The following FHIT variants were observed in gnomAD, a reference collection of about 807,000 sequenced individuals.
FHIT encodes the protein bis(5'-adenosyl)-triphosphatase.
FHIT carries 19 observed loss-of-function variants against 17.9 expected under a neutral mutation model. The ratio of observed to expected loss-of-function variants is 1.06; its 90% confidence interval spans 0.74 to 1.56. The LOEUF (loss-of-function observed/expected upper bound fraction) is 1.56. Ranked by LOEUF, FHIT falls within the 40% of genes most tolerant of loss-of-function variation. The probability of loss-of-function intolerance (pLI) is 0.00; values close to 1 mark genes in which losing one functional copy is unlikely to be tolerated. For synonymous variants in FHIT, 81 were observed against 69.7 expected (o/e 1.16, Z -0.81); for missense variants, 248 against 189.2 (o/e 1.31, Z -1.82).
At chr3:60,855,341 C>T (rs1703337724) in intron 3 of FHIT, among the ~76,000 whole-genome samples, 1 of 152,046 alleles carries the variant, frequency 6.6e-6, no homozygotes, top group African/African-American at 2.4e-5. Flanking sequence ...AGATTTTTCA[C>T]CTTTGGTAAA....
chr3:59,788,879 A>ATTTTTTTTTTTTTTTTTT lies in FHIT; in HGVS notation c.349-36559_349-36558insAAAAAAAAAAAAAAAAAA, dbSNP rs896400961. 3.9e-3 allele frequency among the ~76,000 whole-genome samples: 13 copies of ATTTTTTTTTTTTTTTTTT among 3,310 alleles called. 1 individual carries two copies. Among genetic ancestry groups the ATTTTTTTTTTTTTTTTTT allele is most frequent in the East Asian group, 0.01 (1 of 98 alleles). 2.2% of individuals were successfully genotyped at this position (3,310 alleles called of 152,430 possible). A position where few individuals can be genotyped will look rare whatever the true frequency, so the allele number is the denominator to read the frequency against. On this transcript the variant is annotated intron_variant, in intron 8 of 9. Coordinates refer to ENST00000492590, the MANE Select transcript of FHIT (RefSeq NM_002012.4). ...GAACCACGTTCTTTGCTGAGTTCAT[A>ATTTTTTTTTTTTTTTTTT]TGTTTTTTTTTTTTACCCCATCTCC... is the stretch of plus-strand genomic sequence containing the variant.
At chr3:59,855,630 T>C (rs1331145346) in intron 8 of FHIT, among the ~76,000 whole-genome samples, 2 of 151,860 alleles carry the variant, frequency 1.3e-5, no homozygotes, top group Admixed American at 1.3e-4. Context: ...ATCTTAAGTA[T>C]ACAAAAACTG....
At chr3:59,800,667 A>AC (rs1699956700) in intron 8 of FHIT, among the ~76,000 whole-genome samples, 1 of 152,214 alleles carries the variant, frequency 6.6e-6, no homozygotes, top group South Asian at 2.1e-4. Flanking sequence ...TTCTTGGGCC[A>AC]CTGGTGAAGA....
chr3:59,958,707 G>A (rs774665041), intron 7 of FHIT, among the ~76,000 whole-genome samples: 10 of 152,274 alleles, frequency 6.6e-5, no homozygotes, highest in South Asian at 2.1e-4. Context: ...GTAGATGGCC[G>A]CTATGTAATT....
At chr3:60,276,606 T>C (rs1446069063) in intron 5 of FHIT, among the ~76,000 whole-genome samples, 1 of 152,118 alleles carries the variant, frequency 6.6e-6, no homozygotes, top group African/African-American at 2.4e-5. Context: ...GCAAAAGGCA[T>C]ATATATTAGT....
At chr3:60,003,470 T>G (rs1699805353) in intron 7 of FHIT, among the ~76,000 whole-genome samples, 1 of 152,186 alleles carries the variant, frequency 6.6e-6, no homozygotes, top group Non-Finnish European at 1.5e-5. Context: ...AAGGATGTGG[T>G]GTAGTCTAAA....
At chr3:61,051,860 T>C (rs868224705) in intron 2 of FHIT, among the ~76,000 whole-genome samples, 1 of 152,188 alleles carries the variant, frequency 6.6e-6, no homozygotes, top group South Asian at 2.1e-4. Context: ...AAAGTTACAC[T>C]GCATCTAATG....
chr3:60,580,817 C>A (rs904181060), intron 4 of FHIT, among the ~76,000 whole-genome samples: 29 of 152,046 alleles, frequency 1.9e-4, no homozygotes, highest in African/African-American at 6.5e-4. Context: ...AGGCAGGACG[C>A]TGGTGGGATG....
intron 5 of FHIT, among the ~76,000 whole-genome samples, chr3:60,408,354 C>T (rs866867477): frequency 1.3e-5 from 2 of 152,216 alleles, no homozygotes; most frequent in Middle Eastern, 3.4e-3. Flanking sequence ...CCTGCAACTC[C>T]TAATCCACAT....
intron 5 of FHIT, 146 bp from the exon 6 acceptor site, chr3:60,014,298 C>G (rs1032316580): frequency 1.4e-6 from 1 of 717,506 alleles, no homozygotes; most frequent in African/African-American, 1.8e-5. Context: ...TTACCATCCA[C>G]TGAACTCCAG....
intron 5 of FHIT, among the ~76,000 whole-genome samples, chr3:60,476,199 G>A (rs1253369576): frequency 6.6e-6 from 1 of 152,186 alleles, no homozygotes; most frequent in Non-Finnish European, 1.5e-5. Context: ...GTGTCCCTGA[G>A]TGTAAAATAT....
Position 60,280,402 on chromosome 3 carries a change from G to A in FHIT, c.103+256458C>T, listed in dbSNP as rs1314730198. 2.0e-5 allele frequency among the ~76,000 whole-genome samples: 3 copies of A among 152,284 alleles called. No individual in the cohort carries two copies. The South Asian group carries it at 6.2e-4, about 32-fold the overall frequency. ...TACCTTCTTTGAAAGAAAGGACTTTGTAGCTGTAACTAAATTAAGAATTTT... is the reference window on the plus strand; with the variant it reads ...TACCTTCTTTGAAAGAAAGGACTTTATAGCTGTAACTAAATTAAGAATTTT... On this transcript the variant is annotated intron_variant, in intron 5 of 9. Transcript: ENST00000492590.
intron 8 of FHIT, among the ~76,000 whole-genome samples, chr3:59,857,685 T>C (rs1313634525): frequency 1.4e-5 from 2 of 145,532 alleles, no homozygotes; most frequent in African/African-American, 5.3e-5. Flanking sequence ...CACTTATGAC[T>C]ATGCTGTGCA....
chr3:60,820,954 C>T (rs559172161), intron 4 of FHIT, among the ~76,000 whole-genome samples: 16 of 126,834 alleles, frequency 1.3e-4, no homozygotes, highest in African/African-American at 3.4e-4. Flanking sequence ...GTGCATTGCT[C>T]CTACTTTCTT....
intron 8 of FHIT, among the ~76,000 whole-genome samples, chr3:59,851,633 C>A (rs1701939481): frequency 6.6e-6 from 1 of 152,180 alleles, no homozygotes; most frequent in African/African-American, 2.4e-5. Flanking sequence ...GCTCATTTCA[C>A]CCCTCAGTCA....
At chr3:60,294,786 T>C (rs781126434) in intron 5 of FHIT, among the ~76,000 whole-genome samples, 16 of 152,178 alleles carry the variant, frequency 1.1e-4, no homozygotes, top group Non-Finnish European at 1.9e-4. Context: ...AATGGAATCA[T>C]ACAACATATA....
At chr3:60,260,760 C>A (rs1267526943) in intron 5 of FHIT, among the ~76,000 whole-genome samples, 1 of 151,982 alleles carries the variant, frequency 6.6e-6, no homozygotes, top group East Asian at 1.9e-4. Flanking sequence ...AGGTGCAAAT[C>A]ACCTGATAAA....
chr3:60,916,147 C>T lies in FHIT; in HGVS notation c.-110-94136G>A, dbSNP rs568271533. On this transcript the variant is annotated intron_variant, in intron 3 of 9. Coordinates refer to ENST00000492590, the MANE Select transcript of FHIT (RefSeq NM_002012.4). ...GTATAGATATTCCATAATTTATTTA[C>T]AGATTCTCCTATTGCTTGGACACTT... Among the ~76,000 whole-genome samples the T allele has an allele frequency of 1.3e-4, 20 of 152,232 alleles. No homozygotes were observed. In the South Asian group the frequency reaches 4.1e-3, roughly 32 times the overall value.
At chr3:59,889,771 T>C (rs941160551) in intron 8 of FHIT, among the ~76,000 whole-genome samples, 1 of 152,226 alleles carries the variant, frequency 6.6e-6, no homozygotes, top group African/African-American at 2.4e-5. Context: ...TAATTCTTCA[T>C]GGGTTCATAA....
Sources: gnomAD v4.1 joint callset for allele counts (sites outside exome capture counted in the v4.1 genomes callset) on GRCh38, gnomAD v4.1.1 for gene constraint, MANE v1.5 for transcripts, NCBI Gene and HGNC (gene_info 2026-07-23, HGNC 2026-07-21) for gene names.